FSTL5: variants seen among roughly 807,000 people sequenced by gnomAD.
The protein encoded by FSTL5 is follistatin like 5.
In FSTL5, 62 loss-of-function variants were observed where a neutral mutation model predicts 89.1. The ratio of observed to expected loss-of-function variants is 0.70; its 90% CI spans 0.57 to 0.86. FSTL5 has a LOEUF of 0.86. FSTL5 is among the 40% of genes least tolerant of loss of function. FSTL5 has a pLI of 0.00. For synonymous variants in FSTL5, 383 were observed against 346.2 expected, an observed-to-expected ratio of 1.11 and a Z score of -1.18; for missense variants, 1,057 against 1,001.6, an observed-to-expected ratio of 1.06 and a Z score of -0.75.
At chr4:161,595,058 T>C (rs1344390755) in intron 7 of FSTL5, among the ~76,000 whole-genome samples, 1 of 152,052 alleles carries the variant, frequency 6.6e-6, no homozygotes. Flanking sequence ...TTCTTGTTTA[T>C]ATAATTCTTA....
chr4:161,858,910 A>C (rs377760594), intron 4 of FSTL5, among the ~76,000 whole-genome samples: 1 of 152,160 alleles, frequency 6.6e-6, no homozygotes, highest in Admixed American at 6.5e-5. Context: ...CTGTGGGAAT[A>C]GTCCAATATT....
At chr4:161,693,013 C>T (rs530116403) in intron 6 of FSTL5, among the ~76,000 whole-genome samples, 6 of 152,090 alleles carry the variant, frequency 3.9e-5, no homozygotes, top group Admixed American at 2.6e-4. Flanking sequence ...TGAGCCACTA[C>T]GCCCAGCCAC....
chr4:161,461,691 A>AT (rs537459225), intron 13 of FSTL5, among the ~76,000 whole-genome samples: 133 of 152,132 alleles, frequency 8.7e-4, no homozygotes, highest in African/African-American at 3.0e-3. Flanking sequence ...TTTCATTTAA[A>AT]TTTTTTCATG....
chr4:161,653,715 G>A lies in FSTL5; in HGVS notation c.894+2613C>T, dbSNP rs141341433. The stretch of plus-strand genomic sequence containing the variant: ...TGAAAGACAGTTTAACTGATATTTT[G>A]CATTTGTCACATTACATAGTCATAT... On this transcript the variant is annotated intron_variant, in intron 7 of 15. Transcript: ENST00000306100. Among the ~76,000 whole-genome samples, 918 of 152,136 alleles carry A rather than the reference G, an allele frequency of 6.0e-3. 9 individuals carry two copies. Among genetic ancestry groups the A allele is most frequent in the South Asian group, 0.046 (220 of 4,824 alleles).
intron 3 of FSTL5, among the ~76,000 whole-genome samples, chr4:162,002,184 G>A (rs921851291): frequency 3.9e-5 from 6 of 151,964 alleles, no homozygotes; most frequent in African/African-American, 1.2e-4. Flanking sequence ...TAACTAATGC[G>A]AGTATATGCT....
chr4:161,408,648 G>T (rs1271748299), intron 15 of FSTL5, among the ~76,000 whole-genome samples: 1 of 152,128 alleles, frequency 6.6e-6, no homozygotes, highest in Non-Finnish European at 1.5e-5. Context: ...CAAAGAGAAA[G>T]TTAAAACTCT....
At chr4:161,395,887 C>G (rs751114560) in intron 15 of FSTL5, among the ~76,000 whole-genome samples, 1 of 152,036 alleles carries the variant, frequency 6.6e-6, no homozygotes, top group Non-Finnish European at 1.5e-5. Flanking sequence ...AACAGTTGAA[C>G]TAATACCTTA....
At chr4:161,619,506 C>A (rs924412651) in intron 7 of FSTL5, among the ~76,000 whole-genome samples, 1 of 152,116 alleles carries the variant, frequency 6.6e-6, no homozygotes, top group Non-Finnish European at 1.5e-5. Context: ...AAAAAACAAA[C>A]AACCCCTTCA....
At chr4:161,512,171 G>T (rs1162799533) in intron 10 of FSTL5, among the ~76,000 whole-genome samples, 2 of 152,036 alleles carry the variant, frequency 1.3e-5, no homozygotes, top group African/African-American at 4.8e-5. Flanking sequence ...GTTGAACTAT[G>T]ATTAGACTTA....
intron 1 of FSTL5, among the ~76,000 whole-genome samples, chr4:162,160,585 G>A (rs1733655975): frequency 6.6e-6 from 1 of 151,584 alleles, no homozygotes; most frequent in East Asian, 1.9e-4. Flanking sequence ...TCAATTTTGG[G>A]CAAATATGAA....
intron 15 of FSTL5, among the ~76,000 whole-genome samples, chr4:161,403,462 T>G (rs759564244): frequency 6.6e-6 from 1 of 152,224 alleles, no homozygotes; most frequent in East Asian, 1.9e-4. Context: ...CAAAGGAGGC[T>G]AGTTTCTTGC....
intron 4 of FSTL5, among the ~76,000 whole-genome samples, chr4:161,856,312 GAAAA>G: frequency 6.6e-6 from 1 of 152,070 alleles, no homozygotes; most frequent in African/African-American, 2.4e-5. Context: ...TAAAAGGGTA[GAAAA>G]TATCACAAAC....
At chr4:161,430,918 G>A (rs2126339784) in intron 15 of FSTL5, among the ~76,000 whole-genome samples, 1 of 152,062 alleles carries the variant, frequency 6.6e-6, no homozygotes, top group East Asian at 1.9e-4. Flanking sequence ...ATTTAATAGT[G>A]CTGAAGAAAA....
rs1734898847 is a variant in FSTL5 at position 161,617,037 on chromosome 4, C to T, written c.895-29462G>A. 2.6e-5 allele frequency among the ~76,000 whole-genome samples: 4 copies of T among 151,316 alleles called. No homozygotes were observed. The Middle Eastern group carries it at 0.014, about 515-fold the overall frequency. On this transcript the variant is annotated intron_variant, in intron 7 of 15. Coordinates refer to ENST00000306100, the MANE Select transcript of FSTL5 (RefSeq NM_020116.5). ...TTAACTTTTGATGATTTAGCTATTG[C>T]AATAAGTACCAAAAGACCTTAAATA...
intron 10 of FSTL5, among the ~76,000 whole-genome samples, chr4:161,510,941 C>T (rs1020719736): frequency 6.6e-6 from 1 of 151,930 alleles, no homozygotes; most frequent in Non-Finnish European, 1.5e-5. Flanking sequence ...TATGTTTTTA[C>T]TGTTTTAAAA....
chr4:161,458,062 A>T (rs964695197), intron 14 of FSTL5, among the ~76,000 whole-genome samples: 1 of 152,182 alleles, frequency 6.6e-6, no homozygotes, highest in Non-Finnish European at 1.5e-5. Flanking sequence ...TGAGCGTCAC[A>T]TGCAGGGGAC....
rs183505412 is a variant in FSTL5 at position 161,633,912 on chromosome 4, T to A, written c.894+22416A>T. ...GTAATTTGAAAAAGATATGTTAAAG[T>A]AAGTTTGTTATGTTAAACACAAAGC... On this transcript the variant is annotated intron_variant, in intron 7 of 15. Coordinates refer to ENST00000306100, the MANE Select transcript of FSTL5 (RefSeq NM_020116.5). 5.2e-3 allele frequency among the ~76,000 whole-genome samples: 794 copies of A among 152,294 alleles called. 6 individuals carry two copies. The highest frequency in any genetic ancestry group is 0.038 in the South Asian group (185 of 4,818).
intron 11 of FSTL5, among the ~76,000 whole-genome samples, chr4:161,506,493 T>G (rs987527252): frequency 2.0e-5 from 3 of 152,196 alleles, no homozygotes; most frequent in Non-Finnish European, 4.4e-5. Flanking sequence ...AGTTCTTTAG[T>G]GGCGATTTGT....
intron 3 of FSTL5, among the ~76,000 whole-genome samples, chr4:161,996,432 TC>T (rs1560959964): frequency 6.6e-6 from 1 of 152,208 alleles, no homozygotes; most frequent in Non-Finnish European, 1.5e-5. Context: ...CAGTTCTAAC[TC>T]CTTCACCTAT....
Sources: gnomAD v4.1 joint callset for allele counts (sites outside exome capture counted in the v4.1 genomes callset) on GRCh38, gnomAD v4.1.1 for gene constraint, MANE v1.5 for transcripts, NCBI Gene and HGNC (gene_info 2026-07-23, HGNC 2026-07-21) for gene names.